Variants in R3HDM1 observed in about 807,000 individuals in gnomAD.
R3HDM1 encodes R3H domain containing 1.
A neutral mutation model predicts 141.1 loss-of-function variants in R3HDM1; 46 were observed. That is an observed-to-expected ratio of 0.33 (90% CI 0.26 to 0.42). The LOEUF (loss-of-function observed/expected upper bound fraction) is 0.42, where lower values mean the gene tolerates loss of function less well. R3HDM1 is among the 10% of genes least tolerant of loss of function. The probability of loss-of-function intolerance (pLI) is 1.00; values close to 1 mark genes in which losing one functional copy is unlikely to be tolerated. For synonymous variants in R3HDM1, 435 were observed against 472.9 expected, an observed-to-expected ratio of 0.92 and a Z score of 1.04; for missense variants, 1,184 against 1,368.3, an observed-to-expected ratio of 0.87 and a Z score of 2.12.
chr2:135,607,778 A>G, intron 3 of R3HDM1: 1 of 890,558 alleles, frequency 1.1e-6, no homozygotes, highest in Non-Finnish European at 1.3e-6. Flanking sequence ...CCACTTTTGC[A>G]TCATGGCCCA....
intron 1 of R3HDM1, chr2:135,566,709 GGTTTGTTAGTC>G: frequency 1.0e-6 from 1 of 984,138 alleles, no homozygotes; most frequent in Non-Finnish European, 1.2e-6. Context: ...TTCAGATTAA[GGTTTGTTAGTC>G]GTTTGGATGG....
intron 6 of R3HDM1, chr2:135,621,961 T>TCAGC (rs2061550534): frequency 2.0e-6 from 2 of 983,470 alleles, no homozygotes; most frequent in Non-Finnish European, 2.4e-6. Context: ...TGTCATAATA[T>TCAGC]TGAGTATCCA....
intron 21 of R3HDM1, among the ~76,000 whole-genome samples, chr2:135,681,252 C>G (rs2070250015): frequency 6.6e-6 from 1 of 152,142 alleles, no homozygotes; most frequent in Non-Finnish European, 1.5e-5. Flanking sequence ...TCCATTCTGC[C>G]TGCGTATAGC....
chr2:135,596,367 CA>C (rs2059188013), intron 1 of R3HDM1, among the ~76,000 whole-genome samples: 2 of 152,128 alleles, frequency 1.3e-5, no homozygotes, highest in South Asian at 4.1e-4. Flanking sequence ...ATTTTCAGGA[CA>C]TTTTTAATGA....
At chr2:135,605,119 T>C in intron 3 of R3HDM1, 103 bp downstream of exon 3, 1 of 987,924 alleles carries the variant, frequency 1.0e-6, no homozygotes, top group Non-Finnish European at 1.4e-6. Flanking sequence ...AAGGGTAAGT[T>C]GACCCTTCGT....
chr2:135,710,422 A>C (rs1481846440), intron 23 of R3HDM1, among the ~76,000 whole-genome samples, 191 bp downstream of exon 23: 1 of 152,216 alleles, frequency 6.6e-6, no homozygotes, highest in Non-Finnish European at 1.5e-5. Flanking sequence ...GTTTCAGACC[A>C]GCCTGACCAA....
chr2:135,654,681 G>A (rs777619232), intron 18 of R3HDM1, among the ~76,000 whole-genome samples: 2 of 151,832 alleles, frequency 1.3e-5, no homozygotes, highest in Admixed American at 6.6e-5. Context: ...ACTCCTGACC[G>A]CAAGTGATCC....
At position 135,724,234 on chromosome 2, in the gene R3HDM1, T is replaced by C; in HGVS notation, c.3347T>C (p.Leu1116Pro). ...KQINSVNKFK[L>P]RTSKKHYDFH... ...ATTAACTCAGTTAACAAGTTTAAGC[T>C]GAGAACAAGCAAGAAGCACTATGAC... The change falls in exon 27 of 27, where the codon CTG (leucine) becomes CCG (proline). Residue 1116 changes from leucine to proline, a missense_variant. By Grantham distance (98) the Leu-to-Pro change is moderately conservative. This residue lies in a region of R3HDM1 where 182 missense variants were observed against 252.6 expected (regional missense o/e 0.72). Transcript: ENST00000683871. 6.2e-7 allele frequency: 1 copy of C among 1,613,982 alleles called. No individual in the cohort carries two copies. Among genetic ancestry groups the C allele is most frequent in the Non-Finnish European group, 8.5e-7 (1 of 1,179,996 alleles).
intron 20 of R3HDM1, 57 bp from the exon 21 acceptor site, chr2:135,680,116 C>A: frequency 6.6e-7 from 1 of 1,510,664 alleles, no homozygotes; most frequent in Non-Finnish European, 9.1e-7. Flanking sequence ...AAAACATAAA[C>A]ATTTACAAGG....
intron 9 of R3HDM1, among the ~76,000 whole-genome samples, chr2:135,635,306 C>T (rs1163063093): frequency 1.3e-5 from 2 of 152,264 alleles, no homozygotes; most frequent in African/African-American, 4.8e-5. Flanking sequence ...TTTCCTTGTC[C>T]CAGCATTTTT....
At chr2:135,537,819 G>T (rs1255650402) in intron 1 of R3HDM1, among the ~76,000 whole-genome samples, 1 of 151,926 alleles carries the variant, frequency 6.6e-6, no homozygotes, top group African/African-American at 2.4e-5. Context: ...ACCGCACCCA[G>T]TGGGTTCTCA....
chr2:135,710,291 C>T (rs2075467534), intron 23 of R3HDM1, 60 bp downstream of exon 23: 1 of 1,498,878 alleles, frequency 6.7e-7, no homozygotes, highest in Non-Finnish European at 9.1e-7. Context: ...CTAAGATTGA[C>T]TTATAAGGCT....
At chr2:135,723,710 G>T (rs963319924) in intron 26 of R3HDM1, among the ~76,000 whole-genome samples, 1 of 147,036 alleles carries the variant, frequency 6.8e-6, no homozygotes, top group African/African-American at 2.6e-5. Flanking sequence ...CTGGGAGGTG[G>T]AGGTTGCAGT....
intron 21 of R3HDM1, among the ~76,000 whole-genome samples, chr2:135,688,654 G>C (rs2071793329): frequency 6.6e-6 from 1 of 152,146 alleles, no homozygotes; most frequent in Non-Finnish European, 1.5e-5. Context: ...ATACTGCGAA[G>C]GGCCAAGGAC....
chr2:135,534,496 GA>G (rs1457504065), intron 1 of R3HDM1, among the ~76,000 whole-genome samples: 8 of 152,302 alleles, frequency 5.3e-5, no homozygotes, highest in African/African-American at 1.9e-4. Flanking sequence ...AGGCATTTCT[GA>G]AAATTTACTG....
intron 1 of R3HDM1, among the ~76,000 whole-genome samples, chr2:135,592,876 G>T (rs1463546265): frequency 4.6e-5 from 7 of 151,980 alleles, no homozygotes; most frequent in African/African-American, 1.7e-4. Flanking sequence ...TCTTGTGGTA[G>T]ATGGGACTGC....
At chr2:135,562,424 G>A (rs1701965647) in intron 1 of R3HDM1, among the ~76,000 whole-genome samples, 1 of 152,140 alleles carries the variant, frequency 6.6e-6, no homozygotes, top group Non-Finnish European at 1.5e-5. Context: ...GACTTATTCT[G>A]TCAATGCCAA....
At position 135,675,259 on chromosome 2, in the gene R3HDM1, G is replaced by A. The variant is rs1574931764; in HGVS notation, c.2153-73G>A. 2.0e-5 allele frequency: 28 copies of A among 1,392,690 alleles called. 1 individual carries two copies. Among genetic ancestry groups the A allele is most frequent in the Non-Finnish European group, 2.6e-5 (27 of 1,029,168 alleles). The allele number at this position is 1,392,690 out of a possible 1,614,324, so 86.3% of individuals were successfully genotyped here. On this transcript the variant is annotated intron_variant, in intron 19 of 26. Coordinates refer to ENST00000683871, the MANE Select transcript of R3HDM1 (RefSeq NM_001378107.1). The stretch of plus-strand genomic sequence containing the variant: ...ATCATTTTAGAGCATAAAAGTACTC[G>A]CTTAAATTTTTTTTTAAATCTTACT...
At chr2:135,715,192 A>G (rs2076044389) in intron 23 of R3HDM1, among the ~76,000 whole-genome samples, 1 of 152,132 alleles carries the variant, frequency 6.6e-6, no homozygotes, top group Admixed American at 6.5e-5. Flanking sequence ...TACTAAAAAT[A>G]CAAAAAATTA....
Sources: gnomAD v4.1 joint callset for allele counts (sites outside exome capture counted in the v4.1 genomes callset) on GRCh38, gnomAD v4.1.1 for gene constraint, gnomAD v4.1.1 regional missense constraint, MANE v1.5 for transcripts, NCBI Gene and HGNC (gene_info 2026-07-23, HGNC 2026-07-21) for gene names.